Variants in MED13L observed in about 807,000 individuals in gnomAD.
The protein encoded by MED13L is mediator of RNA polymerase II transcription subunit 13-like.
A neutral mutation model predicts 220.9 loss-of-function variants in MED13L; 7 were observed. The ratio of observed to expected loss-of-function variants is 0.03; its 90% CI spans 0.02 to 0.06. MED13L has a LOEUF of 0.06. MED13L is among the 10% of genes least tolerant of loss of function. The pLI, the probability that MED13L is intolerant of heterozygous loss-of-function variation, is 1.00. For missense variants in MED13L, 1,965 were observed against 2,760.5 expected (o/e 0.71, Z 6.46); for synonymous variants, 1,011 against 1,015.2 (o/e 1.00, Z 0.08).
chr12:116,009,429 A>T (rs531069568), intron 9 of MED13L, among the ~76,000 whole-genome samples: 1 of 152,304 alleles, frequency 6.6e-6, no homozygotes, highest in Non-Finnish European at 1.5e-5. Flanking sequence ...TGAGGGCCTC[A>T]GATAACCTAT....
intron 4 of MED13L, among the ~76,000 whole-genome samples, chr12:116,057,230 C>T (rs1382413441): frequency 6.6e-6 from 1 of 152,092 alleles, no homozygotes; most frequent in African/African-American, 2.4e-5. Flanking sequence ...TCCTGTGAGG[C>T]AGACAGGAGT....
intron 4 of MED13L, among the ~76,000 whole-genome samples, chr12:116,034,429 G>A (rs762383746): frequency 2.6e-5 from 4 of 152,088 alleles, no homozygotes; most frequent in Admixed American, 6.5e-5. Context: ...ATAGTCCAGC[G>A]AGGCATACAC....
intron 28 of MED13L, among the ~76,000 whole-genome samples, chr12:115,968,530 G>A (rs1180558171): frequency 6.6e-6 from 1 of 152,106 alleles, no homozygotes; most frequent in African/African-American, 2.4e-5. Context: ...CATCACCAAC[G>A]TGTTCTTCAA....
At chr12:116,009,340 G>C (rs1879251849) in intron 9 of MED13L, among the ~76,000 whole-genome samples, 2 of 151,948 alleles carry the variant, frequency 1.3e-5, no homozygotes, top group Non-Finnish European at 2.9e-5. Context: ...ATAAGAAATG[G>C]GCACAGCAAA....
intron 2 of MED13L, chr12:116,174,473 C>G (rs1191051753): frequency 6.6e-6 from 1 of 150,640 alleles, no homozygotes; most frequent in African/African-American, 2.4e-5. Context: ...TATTTACAAA[C>G]TCGTTTTTGT....
chr12:116,067,738 C>T (rs986872075), intron 4 of MED13L, among the ~76,000 whole-genome samples: 1 of 152,136 alleles, frequency 6.6e-6, no homozygotes, highest in Non-Finnish European at 1.5e-5. Flanking sequence ...CCAGTCACTA[C>T]TAAAAGCACC....
At chr12:116,066,364 A>G (rs1317765096) in intron 4 of MED13L, among the ~76,000 whole-genome samples, 1 of 152,244 alleles carries the variant, frequency 6.6e-6, no homozygotes, top group Non-Finnish European at 1.5e-5. Context: ...ACTCATTTGT[A>G]TCACACCTTG....
At chr12:116,236,540 A>G (rs1209402240) in intron 2 of MED13L, among the ~76,000 whole-genome samples, 1 of 152,138 alleles carries the variant, frequency 6.6e-6, no homozygotes, top group African/African-American at 2.4e-5. Context: ...TCAAGTAACA[A>G]AACATTTCAA....
chr12:116,053,848 C>G (rs923265816), intron 4 of MED13L, among the ~76,000 whole-genome samples: 2 of 152,148 alleles, frequency 1.3e-5, no homozygotes. Context: ...GCTCTTTTTA[C>G]CTCTATAAAG....
intron 12 of MED13L, 121 bp from the exon 13 acceptor site, chr12:116,006,114 T>A: frequency 7.0e-7 from 1 of 1,436,540 alleles, no homozygotes; most frequent in Non-Finnish European, 9.6e-7. Flanking sequence ...TGGTTTTAGT[T>A]AAATTTAGAG....
intron 18 of MED13L, 66 bp downstream of exon 18, chr12:115,987,039 GTAAC>G: frequency 6.7e-7 from 1 of 1,496,874 alleles, no homozygotes; most frequent in East Asian, 2.3e-5. Flanking sequence ...GGACTTGACA[GTAAC>G]TAACGCTGCT....
At chr12:116,006,702 A>G in intron 11 of MED13L, 1 of 471,924 alleles carries the variant, frequency 2.1e-6, no homozygotes, top group Non-Finnish European at 3.8e-6. Context: ...CATGGTGTTA[A>G]AAGCTGCCTT....
At position 115,986,507 on chromosome 12, in the gene MED13L, T is replaced by C. The variant is rs894572752; in HGVS notation, c.4115-18A>G. ...TTCCGAACCTAAAATGACATTGTAG[T>C]GTAGAAAGGTGCTAGAGAGTTTTTC... On this transcript the variant is annotated intron_variant, in intron 18 of 30. Transcript: ENST00000281928. 5.6e-6 allele frequency: 9 copies of C among 1,607,964 alleles called. No homozygotes were observed. The Admixed American group carries it at 1.3e-4, about 24-fold the overall frequency.
intron 4 of MED13L, among the ~76,000 whole-genome samples, chr12:116,057,219 G>A (rs1318782728): frequency 6.6e-6 from 1 of 152,112 alleles, no homozygotes; most frequent in Non-Finnish European, 1.5e-5. Flanking sequence ...ATAAAATAAA[G>A]TCCTGTGAGG....
chr12:116,275,077 T>C (rs1201093316), intron 1 of MED13L, among the ~76,000 whole-genome samples: 3 of 152,020 alleles, frequency 2.0e-5, no homozygotes, highest in Admixed American at 6.6e-5. Context: ...AATCCGTATA[T>C]ACACAGCCAT....
At chr12:116,065,429 T>C (rs1376028335) in intron 4 of MED13L, among the ~76,000 whole-genome samples, 3 of 152,220 alleles carry the variant, frequency 2.0e-5, no homozygotes, top group Non-Finnish European at 4.4e-5. Context: ...ACTTTCACCA[T>C]CATAGTGTCA....
At chr12:116,262,731 C>T (rs1038108952) in intron 1 of MED13L, among the ~76,000 whole-genome samples, 5 of 152,142 alleles carry the variant, frequency 3.3e-5, no homozygotes, top group Non-Finnish European at 7.4e-5. Flanking sequence ...TTATATATAA[C>T]AAACTATGGA....
chr12:116,198,515 C>A (rs1362957108), intron 2 of MED13L, among the ~76,000 whole-genome samples: 2 of 152,124 alleles, frequency 1.3e-5, no homozygotes, highest in Non-Finnish European at 2.9e-5. Flanking sequence ...TTCTCTGACC[C>A]CCTACAGAAG....
At chr12:116,165,715 A>G (rs1879213872) in intron 2 of MED13L, among the ~76,000 whole-genome samples, 1 of 152,076 alleles carries the variant, frequency 6.6e-6, no homozygotes, top group Admixed American at 6.6e-5. Flanking sequence ...TCGTTGCCCA[A>G]CCACTCACCT....
Sources: gnomAD v4.1 joint callset for allele counts (sites outside exome capture counted in the v4.1 genomes callset) on GRCh38, gnomAD v4.1.1 for gene constraint, MANE v1.5 for transcripts, NCBI Gene and HGNC (gene_info 2026-07-23, HGNC 2026-07-21) for gene names.